Variants in PLEKHG5 observed in about 807,000 individuals in gnomAD.
PLEKHG5 encodes the protein pleckstrin homology domain-containing family G member 5.
PLEKHG5 carries 52 observed loss-of-function variants against 103.8 expected under a neutral mutation model. That is an observed-to-expected ratio of 0.50 (90% CI 0.40 to 0.63). The LOEUF (loss-of-function observed/expected upper bound fraction) is 0.63, where lower values mean the gene tolerates loss of function less well. Ranked by LOEUF, PLEKHG5 falls within the 30% of genes least tolerant of loss-of-function variation. The probability of loss-of-function intolerance (pLI) is 0.00; values close to 1 mark genes in which losing one functional copy is unlikely to be tolerated. For synonymous variants in PLEKHG5, 592 were observed against 575.5 expected (o/e 1.03, Z -0.41); for missense variants, 1,205 against 1,347.6 (o/e 0.89, Z 1.66).
chr1:6,474,688 T>G, intron 5 of PLEKHG5, 101 bp from the exon 6 acceptor site: 1 of 988,752 alleles, frequency 1.0e-6, no homozygotes, highest in Non-Finnish European at 1.4e-6. Context: ...CAGCCCCAGC[T>G]GCCCCCACCT....
At chr1:6,474,341 T>C in intron 6 of PLEKHG5, 110 bp downstream of exon 6, 2 of 1,341,858 alleles carry the variant, frequency 1.5e-6, no homozygotes, top group East Asian at 2.7e-5. Flanking sequence ...TGTATGGTAA[T>C]GAGGCTGCTC....
At chr1:6,511,613 G>A (rs1462327171) in intron 1 of PLEKHG5, among the ~76,000 whole-genome samples, 1 of 152,232 alleles carries the variant, frequency 6.6e-6, no homozygotes, top group Admixed American at 6.5e-5. Context: ...CCAATCCTCA[G>A]GGCCCCCAGG....
At chr1:6,476,794 G>A (rs191952604) in intron 2 of PLEKHG5, among the ~76,000 whole-genome samples, 17 of 151,466 alleles carry the variant, frequency 1.1e-4, no homozygotes, top group African/African-American at 3.6e-4. Flanking sequence ...TTGCTCTGTC[G>A]CTCAGGCTGG....
At position 6,501,916 on chromosome 1, in the gene PLEKHG5, C is replaced by T. The variant is rs891229927; in HGVS notation, c.-164-5347G>A. ...CCCCTCACCTGTGAACCCTCCACTC[C>T]GATGAACCCTTCTGTCTCAAGAAAA... On this transcript the variant is annotated intron_variant, in intron 1 of 21. Coordinates refer to the PLEKHG5 transcript ENST00000377740. The surrounding 1 kb of genome is among the most constrained non-coding windows in gnomAD (Gnocchi z 4.3). Among the ~76,000 whole-genome samples, 1 of 152,232 alleles carries T rather than the reference C, an allele frequency of 6.6e-6. No individual in the cohort carries two copies. Among genetic ancestry groups the T allele is most frequent in the African/African-American group, 2.4e-5 (1 of 41,462 alleles).
upstream of PLEKHG5, among the ~76,000 whole-genome samples, chr1:6,494,364 C>T (rs534350112): frequency 1.1e-4 from 16 of 152,052 alleles, no homozygotes; most frequent in Admixed American, 2.0e-4. Flanking sequence ...CTCCTGAGCT[C>T]AGGCAATCTG....
intron 1 of PLEKHG5, among the ~76,000 whole-genome samples, chr1:6,517,749 C>G (rs1361175206): frequency 6.6e-6 from 1 of 151,606 alleles, no homozygotes; most frequent in Non-Finnish European, 1.5e-5. Flanking sequence ...GGAACAGGCT[C>G]AGATCTGACG....
rs1004456719 is a variant in PLEKHG5 at position 6,490,535 on chromosome 1, G to A, written c.-88+1102C>T. The A allele has an allele frequency of 4.1e-6, 4 of 985,358 alleles. No homozygotes were observed. In the East Asian group the frequency reaches 3.4e-4, roughly 84 times the overall value. 61.0% of individuals were successfully genotyped at this position (985,358 alleles called of 1,614,324 possible). ...AAGCCTCATGGGGCGCGCGGGGAGA[G>A]GGGGACGGGAGCCGCGGGACGGGCT... On this transcript the variant is annotated intron_variant, in intron 1 of 20. Transcript: ENST00000377728. The surrounding 1 kb of genome is among the most constrained non-coding windows in gnomAD (Gnocchi z 8.0).
chr1:6,495,319 G>A (rs1422072410), upstream of PLEKHG5, among the ~76,000 whole-genome samples: 5 of 152,296 alleles, frequency 3.3e-5, no homozygotes, highest in South Asian at 2.1e-4. Context: ...ACTGGAGGCC[G>A]CCCCCTCCCC....
intron 1 of PLEKHG5, among the ~76,000 whole-genome samples, chr1:6,516,159 G>C (rs72861568): frequency 1.3e-5 from 2 of 152,128 alleles, no homozygotes; most frequent in Admixed American, 1.3e-4. Flanking sequence ...GCTGGGCTTC[G>C]TGGCACACAC....
chr1:6,502,712 A>C (rs572349219), intron 1 of PLEKHG5, among the ~76,000 whole-genome samples: 1 of 152,294 alleles, frequency 6.6e-6, no homozygotes, highest in South Asian at 2.1e-4. Flanking sequence ...TCACACTCCA[A>C]GCGCCAGTCC....
intron 1 of PLEKHG5, among the ~76,000 whole-genome samples, chr1:6,511,522 T>A (rs1391935924): frequency 6.6e-6 from 1 of 152,216 alleles, no homozygotes; most frequent in Non-Finnish European, 1.5e-5. Context: ...ACCCAGCAGC[T>A]GCCGATGCCC....
rs1644803355 is a variant in PLEKHG5 at position 6,477,786 on chromosome 1, C to G, written c.-87-128G>C. 12 of 885,942 alleles carry G rather than the reference C, an allele frequency of 1.4e-5. No homozygotes were observed. The South Asian group carries it at 1.7e-4, about 13-fold the overall frequency. 54.9% of individuals were successfully genotyped at this position (885,942 alleles called of 1,614,324 possible). ...TCGATCCAGGGTGAGGAGACGCCCC[C>G]CAGCAGTCCCCCCTCTCCCACATCA... On this transcript the variant is annotated intron_variant, in intron 1 of 20. Coordinates refer to ENST00000377728, the MANE Select transcript of PLEKHG5 (RefSeq NM_020631.6).
In PLEKHG5 at chr1:6,491,307, C is replaced by G. The variant is rs964689561; in HGVS notation, c.-88+330G>C. 2.0e-5 allele frequency among the ~76,000 whole-genome samples: 3 copies of G among 152,096 alleles called. No individual in the cohort carries two copies. The highest frequency in any genetic ancestry group is 7.2e-5 in the African/African-American group (3 of 41,402). ...TCAAGCTTTTTATACAGCCTTCCCC[C>G]GACCCCTTCCCAGGCCAAAACCTCC... On this transcript the variant is annotated intron_variant, in intron 1 of 20. Transcript: ENST00000377728. The surrounding 1 kb of genome is among the most constrained non-coding windows in gnomAD (Gnocchi z 4.1).
At chr1:6,504,613 A>G (rs1638253267) in intron 1 of PLEKHG5, among the ~76,000 whole-genome samples, 1 of 140,036 alleles carries the variant, frequency 7.1e-6, no homozygotes, top group Non-Finnish European at 1.5e-5. Flanking sequence ...TCTGTCACCC[A>G]TGCTGGAGTG....
At chr1:6,493,285 A>G (rs548380033), upstream of PLEKHG5, among the ~76,000 whole-genome samples, 18 of 152,276 alleles carry the variant, frequency 1.2e-4, no homozygotes, top group South Asian at 4.1e-4. Flanking sequence ...CACCTCCAGG[A>G]GGGCATCCCC....
upstream of PLEKHG5, among the ~76,000 whole-genome samples, chr1:6,498,083 G>A (rs190298206): frequency 1.3e-5 from 2 of 150,984 alleles, no homozygotes; most frequent in East Asian, 2.0e-4. Context: ...TTATGTAAAT[G>A]GCATCAGGAG....
At chr1:6,519,928 C>G (rs1332944376) in exon 1 of PLEKHG5, 2 of 311,744 alleles carry the variant, frequency 6.4e-6, no homozygotes, top group East Asian at 1.7e-4. Context: ...AGCAACACCA[C>G]AGAGACCCCG....
At chr1:6,471,384 T>G (rs1217287205) in intron 12 of PLEKHG5, 104 bp downstream of exon 12, 14 of 1,318,488 alleles carry the variant, frequency 1.1e-5, no homozygotes, top group Non-Finnish European at 1.3e-5. Flanking sequence ...GTTACGGGCC[T>G]GGGGGAGGTT....
rs1312355782 is a variant in PLEKHG5, at chr1:6,475,453, G to A, written c.210+9C>T. ...AACCCGCATCTGCCGGCTCTGGGGG[G>A]CTCCTCACATCCGTGTGTCTCCTCC... On this transcript the variant is annotated intron_variant, in intron 4 of 20. Transcript: ENST00000377728. The A allele has an allele frequency of 1.9e-6, 3 of 1,612,014 alleles. No individual in the cohort carries two copies. Among genetic ancestry groups the A allele is most frequent in the Non-Finnish European group, 1.7e-6 (2 of 1,178,750 alleles).
Sources: gnomAD v4.1 joint callset for allele counts (sites outside exome capture counted in the v4.1 genomes callset) on GRCh38, gnomAD v4.1.1 for gene constraint, Gnocchi (gnomAD v3.1) non-coding constraint, MANE v1.5 for transcripts, NCBI Gene and HGNC (gene_info 2026-07-23, HGNC 2026-07-21) for gene names.